Variants in IQCM observed in about 807,000 individuals in gnomAD.
The protein encoded by IQCM is IQ domain-containing protein M.
IQCM carries 45 observed loss-of-function variants against 57.6 expected under a neutral mutation model. The observed-to-expected ratio is 0.78, with a 90% confidence interval of 0.62 to 1.00. The LOEUF (loss-of-function observed/expected upper bound fraction) is 1.00. IQCM is among the 50% of genes least tolerant of loss of function. IQCM has a pLI of 0.00. For synonymous variants in IQCM, 148 were observed against 158.9 expected (o/e 0.93, Z 0.51); for missense variants, 468 against 511.6 (o/e 0.91, Z 0.82).
intron 2 of IQCM, among the ~76,000 whole-genome samples, chr4:149,806,690 T>C (rs1474949002): frequency 6.6e-6 from 1 of 151,920 alleles, no homozygotes; most frequent in African/African-American, 2.4e-5. Flanking sequence ...AAGTCATCAG[T>C]AAATAAAGGA....
chr4:149,548,634 CA>C (rs1195146858), intron 11 of IQCM, 45 bp from the exon 12 acceptor site: 52 of 994,252 alleles, frequency 5.2e-5, no homozygotes, highest in Admixed American at 4.3e-4. Context: ...TTAAACAATA[CA>C]TCAAGTAAAA....
chr4:149,584,218 T>A (rs1488000224), intron 9 of IQCM, among the ~76,000 whole-genome samples: 1 of 151,560 alleles, frequency 6.6e-6, no homozygotes, highest in Non-Finnish European at 1.5e-5. Flanking sequence ...CTTCTTTTCC[T>A]TTAAAAATGG....
intron 2 of IQCM, among the ~76,000 whole-genome samples, chr4:149,813,216 C>T (rs1418362991): frequency 1.3e-5 from 2 of 151,964 alleles, no homozygotes; most frequent in Admixed American, 1.3e-4. Flanking sequence ...TACACCAGAC[C>T]CTGCTGTACT....
chr4:149,716,452 G>A (rs1765006346), intron 5 of IQCM, among the ~76,000 whole-genome samples: 1 of 152,184 alleles, frequency 6.6e-6, no homozygotes, highest in South Asian at 2.1e-4. Context: ...AGCCTCCCAG[G>A]CCCCCAAGAG....
At chr4:149,362,195 T>C (rs1273946874) in intron 13 of IQCM, among the ~76,000 whole-genome samples, 1 of 152,198 alleles carries the variant, frequency 6.6e-6, no homozygotes, top group Non-Finnish European at 1.5e-5. Context: ...ACTAGCTTGC[T>C]TTTGATTTTA....
chr4:149,495,121 C>T (rs1040261176), intron 12 of IQCM, among the ~76,000 whole-genome samples: 6 of 152,012 alleles, frequency 3.9e-5, no homozygotes, highest in Admixed American at 3.9e-4. Flanking sequence ...TTTATAGAAA[C>T]AGGGGATACA....
chr4:149,469,322 C>T lies in IQCM; in HGVS notation c.1229-35765G>A, dbSNP rs181008755. 6.2e-4 allele frequency among the ~76,000 whole-genome samples: 94 copies of T among 152,180 alleles called. 1 individual carries two copies. The highest frequency in any genetic ancestry group is 1.7e-3 in the African/African-American group (71 of 41,528). Reference sequence around the variant, plus strand: ...AAACCATGGCACAAGAACTACGTGACGAATCCACAAGCTTCAGCAGCTGAT... The same window carrying T: ...AAACCATGGCACAAGAACTACGTGATGAATCCACAAGCTTCAGCAGCTGAT... On this transcript the variant is annotated intron_variant, in intron 12 of 13. Coordinates refer to ENST00000636793, the MANE Select transcript of IQCM (RefSeq NM_001363507.2).
chr4:149,619,131 T>TATATATATATATATATACAC (rs1491165190), intron 8 of IQCM, among the ~76,000 whole-genome samples: 1 of 142,004 alleles, frequency 7.0e-6, no homozygotes, highest in African/African-American at 2.8e-5. Context: ...TATATATATA[T>TATATATATATATATATACAC]ACACCATGGA....
chr4:149,476,157 A>G (rs529619185), intron 12 of IQCM, among the ~76,000 whole-genome samples: 1 of 152,322 alleles, frequency 6.6e-6, no homozygotes, highest in Non-Finnish European at 1.5e-5. Flanking sequence ...CTAGGGCACA[A>G]GTGAAGGAAC....
intron 2 of IQCM, chr4:149,748,638 T>C (rs773234469): frequency 1.3e-5 from 2 of 152,186 alleles, no homozygotes; most frequent in Non-Finnish European, 2.9e-5. Flanking sequence ...GTATAAAATA[T>C]GATTTGGCAA....
At chr4:149,417,252 A>C (rs372862216) in intron 13 of IQCM, among the ~76,000 whole-genome samples, 94 of 152,292 alleles carry the variant, frequency 6.2e-4, no homozygotes, top group African/African-American at 2.0e-3. Flanking sequence ...TGTTGTCGGA[A>C]CATTTGCCAC....
At chr4:149,584,201 A>G (rs1752459722) in intron 9 of IQCM, among the ~76,000 whole-genome samples, 1 of 151,548 alleles carries the variant, frequency 6.6e-6, no homozygotes, top group Admixed American at 6.6e-5. Context: ...GAAATGTTTA[A>G]CATAAACTTC....
At chr4:149,374,979 GTGTGTGTGTGTGTGTGTGT>G (rs981975977) in intron 13 of IQCM, among the ~76,000 whole-genome samples, 79 of 123,824 alleles carry the variant, frequency 6.4e-4, no homozygotes, top group Admixed American at 2.3e-3. Flanking sequence ...GTGTGTGTGT[GTGTGTGTGTGTGTGTGTGT>G]TGTGTGTGTG....
chr4:149,584,306 G>A (rs2149992881), intron 9 of IQCM, among the ~76,000 whole-genome samples: 1 of 151,482 alleles, frequency 6.6e-6, no homozygotes, highest in East Asian at 2.0e-4. Context: ...CTAACAATTT[G>A]AAAATGTGTC....
intron 13 of IQCM, among the ~76,000 whole-genome samples, chr4:149,366,985 A>C (rs1729890341): frequency 6.6e-6 from 1 of 152,044 alleles, no homozygotes; most frequent in Non-Finnish European, 1.5e-5. Flanking sequence ...AACAATGAGA[A>C]TAATAACTGT....
At chr4:149,455,986 A>G (rs1737658383) in intron 12 of IQCM, among the ~76,000 whole-genome samples, 1 of 152,026 alleles carries the variant, frequency 6.6e-6, no homozygotes, top group African/African-American at 2.4e-5. Flanking sequence ...TAAAAAATAA[A>G]AATAAAATTT....
At chr4:149,768,414 A>G (rs748219804) in intron 2 of IQCM, among the ~76,000 whole-genome samples, 1 of 152,146 alleles carries the variant, frequency 6.6e-6, no homozygotes, top group Admixed American at 6.6e-5. Flanking sequence ...TGGATTATGG[A>G]TAAGTACAAT....
At chr4:149,379,359 C>T (rs994594077) in intron 13 of IQCM, among the ~76,000 whole-genome samples, 2 of 152,140 alleles carry the variant, frequency 1.3e-5, no homozygotes, top group African/African-American at 4.8e-5. Flanking sequence ...TCCACAGACC[C>T]TCCATGCCAG....
chr4:149,515,527 A>C (rs1187665594), intron 12 of IQCM, among the ~76,000 whole-genome samples: 6 of 152,156 alleles, frequency 3.9e-5, no homozygotes. Context: ...TGATCAGCTG[A>C]CAGAGGAAGA....
Sources: allele counts gnomAD v4.1 joint callset (sites outside exome capture counted in the v4.1 genomes callset), GRCh38; gene constraint gnomAD v4.1.1; transcripts MANE v1.5; gene names NCBI Gene and HGNC (gene_info 2026-07-23, HGNC 2026-07-21).